OSBPL9: variants seen among roughly 807,000 people sequenced by gnomAD.
The protein encoded by OSBPL9 is oxysterol binding protein like 9.
A neutral mutation model predicts 106.6 loss-of-function variants in OSBPL9; 40 were observed. The observed-to-expected ratio is 0.38, with a 90% CI of 0.29 to 0.49. The LOEUF is 0.49. Ranked by LOEUF, OSBPL9 falls within the 20% of genes least tolerant of loss-of-function variation. The pLI, the probability that OSBPL9 is intolerant of heterozygous loss-of-function variation, is 0.97. For synonymous variants in OSBPL9, 269 were observed against 295.4 expected, an observed-to-expected ratio of 0.91 and a Z score of 0.92; for missense variants, 609 against 887.2, an observed-to-expected ratio of 0.69 and a Z score of 3.98.
chr1:51,639,603 A>T (rs1406873347), intron 1 of OSBPL9, among the ~76,000 whole-genome samples: 1 of 152,184 alleles, frequency 6.6e-6, no homozygotes, highest in Non-Finnish European at 1.5e-5. Flanking sequence ...ATCATGTAAG[A>T]TAGAAATAAT....
In OSBPL9 at chr1:51,656,667, T is replaced by TC. The variant is rs1646836854; in HGVS notation, c.162+4632dup. 1.4e-5 allele frequency among the ~76,000 whole-genome samples: 2 copies of TC among 138,312 alleles called. 1 individual carries two copies. The highest frequency in any genetic ancestry group is 4.9e-4 in the East Asian group (2 of 4,056). The allele number at this position is 138,312 out of a possible 152,430, so 90.7% of individuals were successfully genotyped here. ...CTGCTTCTCCTCCCCCTCCTCGCTC[T>TC]CCCCCCAACTTTTGACAGGATCTTG... On this transcript the variant is annotated intron_variant, in intron 2 of 23. Transcript: ENST00000428468.
chr1:51,621,505 C>CAA (rs201132605), intron 1 of OSBPL9, among the ~76,000 whole-genome samples: 24 of 71,534 alleles, frequency 3.4e-4, no homozygotes, highest in African/African-American at 7.9e-4. Flanking sequence ...GACTCCGTCT[C>CAA]AAAAAAAAAA....
At chr1:51,539,916 G>A in the OSBPL9 span, among the ~76,000 whole-genome samples, 4 of 152,156 alleles carry the variant, frequency 2.6e-5, no homozygotes, top group South Asian at 8.3e-4. Context: ...TCTATCGTCT[G>A]CCTGTATCTC....
intron 4 of OSBPL9, among the ~76,000 whole-genome samples, chr1:51,718,032 A>G (rs1455489109): frequency 1.3e-5 from 2 of 152,236 alleles, no homozygotes; most frequent in Admixed American, 6.5e-5. Flanking sequence ...AGCTGTGAAA[A>G]AGAATGAAAT....
intron 13 of OSBPL9, 111 bp from the exon 14 acceptor site, chr1:51,772,494 C>T (rs767175719): frequency 1.2e-5 from 11 of 918,362 alleles, no homozygotes; most frequent in East Asian, 2.4e-5. Context: ...CCAGCCTGGG[C>T]GAAAGAATGA....
the OSBPL9 span, among the ~76,000 whole-genome samples, chr1:51,571,928 G>C: frequency 6.6e-6 from 1 of 152,100 alleles, no homozygotes; most frequent in Non-Finnish European, 1.5e-5. Flanking sequence ...AACCTGAGTG[G>C]GATACAATGT....
the OSBPL9 span, among the ~76,000 whole-genome samples, chr1:51,529,298 G>A: frequency 6.6e-6 from 1 of 151,592 alleles, no homozygotes; most frequent in Non-Finnish European, 1.5e-5. Flanking sequence ...GGAGTGCAGT[G>A]GCACGATCTC....
intron 1 of OSBPL9, among the ~76,000 whole-genome samples, chr1:51,590,916 A>AT (rs1293562526): frequency 0.011 from 1,454 of 131,612 alleles, 15 homozygotes; most frequent in South Asian, 0.018. Context: ...TGCCTGGCTA[A>AT]TTTTTTTTTT....
intron 3 of OSBPL9, among the ~76,000 whole-genome samples, chr1:51,712,444 A>G (rs1343762315): frequency 3.3e-5 from 5 of 152,072 alleles, no homozygotes; most frequent in Non-Finnish European, 5.9e-5. Context: ...AGGGAGAGCT[A>G]CTTCTATATT....
chr1:51,650,826 A>C (rs978952339), intron 1 of OSBPL9, among the ~76,000 whole-genome samples: 1 of 152,172 alleles, frequency 6.6e-6, no homozygotes, highest in Non-Finnish European at 1.5e-5. Context: ...CACATGACTA[A>C]TTTACTCTTA....
chr1:51,757,157 T>G (rs1299560622), intron 9 of OSBPL9, among the ~76,000 whole-genome samples: 6 of 152,168 alleles, frequency 3.9e-5, no homozygotes, highest in Non-Finnish European at 8.8e-5. Flanking sequence ...ATCTCCTGAT[T>G]GTACTTGAAA....
intron 4 of OSBPL9, among the ~76,000 whole-genome samples, chr1:51,715,642 G>A (rs1039805354): frequency 5.3e-5 from 8 of 151,876 alleles, no homozygotes; most frequent in South Asian, 4.2e-4. Context: ...GAGATTTCCC[G>A]CCCCCCCATT....
At chr1:51,549,377 C>A in the OSBPL9 span, among the ~76,000 whole-genome samples, 3 of 152,348 alleles carry the variant, frequency 2.0e-5, no homozygotes, top group East Asian at 5.8e-4. Context: ...AACTACCAGG[C>A]AGAAAATTGT....
intron 1 of OSBPL9, chr1:51,594,830 T>C (rs1183442846): frequency 6.6e-6 from 1 of 152,208 alleles, no homozygotes; most frequent in Non-Finnish European, 1.5e-5. Flanking sequence ...TGGAGTCTGT[T>C]CTATAGTCGC....
chr1:51,762,050 G>A lies in OSBPL9; in HGVS notation c.778+79G>A, dbSNP rs74413286. 2,878 of 1,009,288 alleles carry A rather than the reference G, an allele frequency of 2.9e-3. 51 individuals carry two copies. The African/African-American group carries it at 0.041, about 14-fold the overall frequency. The allele number at this position is 1,009,288 out of a possible 1,614,324, so 62.5% of individuals were successfully genotyped here. On this transcript the variant is annotated intron_variant, in intron 11 of 23. Transcript: ENST00000428468. ...TTGTTTGTGACCTCTGATGAGGAGG[G>A]GGAAAGTTGAAGAAATGTGTTGTAT...
At chr1:51,738,141 C>T (rs774648521) in intron 4 of OSBPL9, among the ~76,000 whole-genome samples, 5 of 151,902 alleles carry the variant, frequency 3.3e-5, no homozygotes, top group African/African-American at 1.2e-4. Context: ...AAAAATGGTA[C>T]GAATTCCAGA....
chr1:51,771,221 G>A (rs1207576921), intron 12 of OSBPL9, among the ~76,000 whole-genome samples: 2 of 152,220 alleles, frequency 1.3e-5, no homozygotes, highest in Admixed American at 6.5e-5. Flanking sequence ...CACGTGTAGA[G>A]TTGTAATAAG....
chr1:51,704,721 G>A (rs114983321), intron 3 of OSBPL9, among the ~76,000 whole-genome samples: 3 of 152,164 alleles, frequency 2.0e-5, no homozygotes, highest in East Asian at 3.9e-4. Context: ...GAGGTGCCTC[G>A]TCACATTAAA....
rs1245243189 is a variant in OSBPL9, at chr1:51,760,702, C to G, written c.595C>G (p.Pro199Ala). Reference sequence around the variant, plus strand: ...TTCTTTATTTTAGAGTACTATTAATCCCGTAGATGCAATATATCAACCTAG... The same window carrying G: ...TTCTTTATTTTAGAGTACTATTAATGCCGTAGATGCAATATATCAACCTAG... ...HADGMISTINPVDAIYQPSPL... is the reference protein window; with the variant it reads ...HADGMISTINAVDAIYQPSPL... Residue 199 changes from proline (P) to alanine (A), a missense_variant, in exon 10 of 24, where the codon CCC becomes GCC. Pro to Ala is a conservative substitution (Grantham distance 27). Coordinates refer to ENST00000428468, the MANE Select transcript of OSBPL9 (RefSeq NM_024586.6). 6.2e-6 allele frequency: 10 copies of G among 1,613,660 alleles called. No individual in the cohort carries two copies. The highest frequency in any genetic ancestry group is 7.6e-6 in the Non-Finnish European group (9 of 1,179,788).
Sources: allele counts gnomAD v4.1 joint callset (sites outside exome capture counted in the v4.1 genomes callset), GRCh38; gene constraint gnomAD v4.1.1; transcripts MANE v1.5; gene names NCBI Gene and HGNC (gene_info 2026-07-23, HGNC 2026-07-21).